The following GPD1L variants were observed in gnomAD, a reference collection of about 807,000 sequenced individuals.
GPD1L encodes glycerol-3-phosphate dehydrogenase 1-like protein.
A neutral mutation model predicts 32.9 loss-of-function variants in GPD1L; 17 were observed. That is an observed-to-expected ratio of 0.52 (90% CI 0.35 to 0.78). The LOEUF is 0.78. GPD1L is among the 30% of genes least tolerant of loss of function. GPD1L has a pLI of 0.01. For missense variants in GPD1L, 361 were observed against 447.8 expected, an observed-to-expected ratio of 0.81 and a Z score of 1.75; for synonymous variants, 187 against 165.9, an observed-to-expected ratio of 1.13 and a Z score of -0.98.
At chr3:32,155,141 A>C (rs1485682182) in intron 5 of GPD1L, among the ~76,000 whole-genome samples, 1 of 152,172 alleles carries the variant, frequency 6.6e-6, no homozygotes, top group East Asian at 1.9e-4. Context: ...GGTTGGAGGA[A>C]GGGCAGATTT....
chr3:32,140,948 T>C (rs1482802371), intron 4 of GPD1L, among the ~76,000 whole-genome samples: 1 of 152,250 alleles, frequency 6.6e-6, no homozygotes, highest in African/African-American at 2.4e-5. Context: ...TATTCTCACA[T>C]TGACGTTATG....
At chr3:32,146,551 A>G (rs1700829070) in intron 4 of GPD1L, 71 bp from the exon 5 acceptor site, 1 of 849,990 alleles carries the variant, frequency 1.2e-6, no homozygotes, top group African/African-American at 1.7e-5. Context: ...AACTTATTTT[A>G]AAGTGTATTA....
chr3:32,123,670 T>G (rs1292817710), intron 1 of GPD1L, among the ~76,000 whole-genome samples: 1 of 152,056 alleles, frequency 6.6e-6, no homozygotes, highest in African/African-American at 2.4e-5. Flanking sequence ...ACCTGTGCCC[T>G]CGATTCTCAA....
At position 32,122,584 on chromosome 3, in the gene GPD1L, A is replaced by C. The variant is rs74603835; in HGVS notation, c.48-5492A>C. Among the ~76,000 whole-genome samples the C allele has an allele frequency of 0.023, 3,477 of 152,282 alleles. 271 individuals are homozygous for C. In the East Asian group the frequency reaches 0.24, roughly 10 times the overall value. Reference sequence around the variant, plus strand: ...ATGGGTAATAGAATTTTATACATCTATGTAAAGACCCAGGACTGGCCATCA... The same window carrying C: ...ATGGGTAATAGAATTTTATACATCTCTGTAAAGACCCAGGACTGGCCATCA... On this transcript the variant is annotated intron_variant, in intron 1 of 7. Coordinates refer to ENST00000282541, the MANE Select transcript of GPD1L (RefSeq NM_015141.4).
rs1272917781 is a variant in GPD1L, at chr3:32,167,872, A to G, written c.*1962A>G. ...CATACACAGAAGTATACGAAAGCAC[A>G]CAAAACACTCCAAGTTTCAGCAGTT... On this transcript the variant is annotated 3_prime_UTR_variant, in exon 8 of 8. Coordinates refer to ENST00000282541, the MANE Select transcript of GPD1L (RefSeq NM_015141.4). The G allele has an allele frequency of 6.6e-6, 1 of 152,208 alleles. No homozygotes were observed. The highest frequency in any genetic ancestry group is 2.4e-5 in the African/African-American group (1 of 41,442). The allele number at this position is 152,208 out of a possible 1,614,324, so 9.4% of individuals were successfully genotyped here. A position where few individuals can be genotyped will look rare whatever the true frequency, so the allele number is the denominator to read the frequency against.
Position 32,106,818 on chromosome 3 carries a change from G to A in GPD1L, c.47+60G>A. 1 of 1,494,180 alleles carries A rather than the reference G, an allele frequency of 6.7e-7. No homozygotes were observed. Among genetic ancestry groups the A allele is most frequent in the Non-Finnish European group, 9.0e-7 (1 of 1,110,884 alleles). The allele number at this position is 1,494,180 out of a possible 1,614,324, so 92.6% of individuals were successfully genotyped here. A position where few individuals can be genotyped will look rare whatever the true frequency, so the allele number is the denominator to read the frequency against. ...TTCCAGGAAGCGCCTCTCCCGGGCG[G>A]TGAGGGCTGCGCGCCCCATGCTGCG... On this transcript the variant is annotated intron_variant, in intron 1 of 7. Coordinates refer to ENST00000282541, the MANE Select transcript of GPD1L (RefSeq NM_015141.4). The surrounding 1 kb of genome is among the most constrained non-coding windows in gnomAD (Gnocchi z 4.0).
intron 4 of GPD1L, among the ~76,000 whole-genome samples, chr3:32,142,198 A>G (rs1461362874): frequency 1.3e-5 from 2 of 151,764 alleles, no homozygotes; most frequent in Non-Finnish European, 2.9e-5. Context: ...GGCTCACTGC[A>G]ACCTCCAATT....
At chr3:32,143,740 G>T (rs898869096) in intron 4 of GPD1L, among the ~76,000 whole-genome samples, 27 of 152,230 alleles carry the variant, frequency 1.8e-4, no homozygotes, top group Middle Eastern at 6.8e-3. Context: ...CACTTTGGGA[G>T]GCTGAGGCGG....
At chr3:32,114,253 C>T (rs1386594282) in intron 1 of GPD1L, among the ~76,000 whole-genome samples, 1 of 152,222 alleles carries the variant, frequency 6.6e-6, no homozygotes, top group East Asian at 1.9e-4. Flanking sequence ...GTCTTTCATC[C>T]TTCAGCAGGC....
chr3:32,136,636 G>A (rs79462336), intron 2 of GPD1L, among the ~76,000 whole-genome samples: 4,502 of 152,266 alleles, frequency 0.03, 318 homozygotes, highest in East Asian at 0.25. Flanking sequence ...ACAGGCATTA[G>A]TCAAGGTAAT....
At chr3:32,164,397 A>G (rs1175783912) in intron 7 of GPD1L, among the ~76,000 whole-genome samples, 5 of 152,232 alleles carry the variant, frequency 3.3e-5, no homozygotes, top group Admixed American at 3.3e-4. Context: ...GGCACTGAGG[A>G]TACAGTAGTG....
chr3:32,152,741 C>T (rs946054971), intron 5 of GPD1L, among the ~76,000 whole-genome samples: 1 of 151,784 alleles, frequency 6.6e-6, no homozygotes. Flanking sequence ...CATAGGGTAG[C>T]ATAGGGTGTG....
chr3:32,121,421 G>A lies in GPD1L; in HGVS notation c.48-6655G>A, dbSNP rs761349868. On this transcript the variant is annotated intron_variant, in intron 1 of 7. Transcript: ENST00000282541. ...AAGGCCCACTAAGCCTCAGAGCTCC[G>A]CCCTGGCTAGGCTTTCTTTATATAT... 1.1e-4 allele frequency among the ~76,000 whole-genome samples: 17 copies of A among 149,018 alleles called. 1 individual carries two copies. The highest frequency in any genetic ancestry group is 2.1e-4 in the Non-Finnish European group (14 of 67,644).
chr3:32,132,106 G>A (rs1700594606), intron 2 of GPD1L, among the ~76,000 whole-genome samples: 1 of 152,138 alleles, frequency 6.6e-6, no homozygotes, highest in African/African-American at 2.4e-5. Flanking sequence ...TCTAGATACA[G>A]GTCCCCTTTC....
In GPD1L at chr3:32,128,263, T is replaced by C. The variant is rs1267344822; in HGVS notation, c.225+10T>C. On this transcript the variant is annotated intron_variant, in intron 2 of 7. Coordinates refer to ENST00000282541, the MANE Select transcript of GPD1L (RefSeq NM_015141.4). ...GCTGCCAGAAAATGTGGTAAGACTT[T>C]GGGGTGAAATGTACATTGGTTCATT... The C allele has an allele frequency of 1.2e-6, 2 of 1,609,532 alleles. No individual in the cohort carries two copies. Among genetic ancestry groups the C allele is most frequent in the Non-Finnish European group, 1.7e-6 (2 of 1,176,048 alleles).
At chr3:32,152,252 T>C (rs1385523301) in intron 5 of GPD1L, among the ~76,000 whole-genome samples, 2 of 152,212 alleles carry the variant, frequency 1.3e-5, no homozygotes, top group Admixed American at 1.3e-4. Context: ...GGTAGACGTT[T>C]CTTTCTTTCT....
chr3:32,107,377 T>G (rs1022081288), intron 1 of GPD1L, among the ~76,000 whole-genome samples: 2 of 152,204 alleles, frequency 1.3e-5, no homozygotes, highest in African/African-American at 2.4e-5. Flanking sequence ...TTTGCGAAGC[T>G]TTGCGTCTCT....
At chr3:32,126,719 T>G (rs1166747799) in intron 1 of GPD1L, among the ~76,000 whole-genome samples, 3 of 152,240 alleles carry the variant, frequency 2.0e-5, no homozygotes, top group Non-Finnish European at 4.4e-5. Context: ...GCTATTCTTT[T>G]GTGAGGGAGG....
chr3:32,163,855 A>G (rs1200848305), intron 7 of GPD1L, among the ~76,000 whole-genome samples: 1 of 152,216 alleles, frequency 6.6e-6, no homozygotes, highest in Non-Finnish European at 1.5e-5. Context: ...ACACAGTTAT[A>G]ACAGGGAATA....
Sources: allele counts gnomAD v4.1 joint callset (sites outside exome capture counted in the v4.1 genomes callset), GRCh38; gene constraint gnomAD v4.1.1; non-coding constraint Gnocchi (gnomAD v3.1); transcripts MANE v1.5; gene names NCBI Gene and HGNC (gene_info 2026-07-23, HGNC 2026-07-21).